RUNX1: variants seen among roughly 807,000 people sequenced by gnomAD.
The protein encoded by RUNX1 is RUNX family transcription factor 1, also known as runt-related transcription factor 1.
RUNX1 carries 19 observed loss-of-function variants against 42.8 expected under a neutral mutation model. That is an observed-to-expected ratio of 0.44 (90% CI 0.31 to 0.65). The LOEUF is 0.65. RUNX1 is among the 30% of genes least tolerant of loss of function. The pLI, the probability that RUNX1 is intolerant of heterozygous loss-of-function variation, is 0.07. For missense variants in RUNX1, 528 were observed against 672.0 expected (o/e 0.79, Z 2.37); for synonymous variants, 271 against 289.4 (o/e 0.94, Z 0.64).
At chr21:34,833,830 G>C (rs1158926420) in intron 7 of RUNX1, 2 of 217,018 alleles carry the variant, frequency 9.2e-6, no homozygotes, top group African/African-American at 4.5e-5. Flanking sequence ...CAGCGCTTTA[G>C]TAATTGCCAG....
chr21:34,801,496 T>G (rs1157752245), intron 7 of RUNX1, among the ~76,000 whole-genome samples: 1 of 152,242 alleles, frequency 6.6e-6, no homozygotes, highest in Admixed American at 6.5e-5. Context: ...TCTTTATGAT[T>G]AAAGTCCAAG....
chr21:34,974,104 TTC>T (rs2058782523), intron 2 of RUNX1, among the ~76,000 whole-genome samples: 1 of 152,216 alleles, frequency 6.6e-6, no homozygotes, highest in African/African-American at 2.4e-5. Context: ...AAAAATTTTC[TTC>T]TCTGTTTTCG....
At chr21:34,912,151 A>T (rs2058277310) in intron 2 of RUNX1, among the ~76,000 whole-genome samples, 1 of 150,890 alleles carries the variant, frequency 6.6e-6, no homozygotes, top group South Asian at 2.1e-4. Context: ...GACACTTCTT[A>T]AGAATGAATG....
In RUNX1 at chr21:35,033,065, T is replaced by C. The variant is rs559607915; in HGVS notation, c.58+15777A>G. Among the ~76,000 whole-genome samples, 3 of 152,262 alleles carry C rather than the reference T, an allele frequency of 2.0e-5. No homozygotes were observed. The South Asian group carries it at 6.2e-4, about 32-fold the overall frequency. On this transcript the variant is annotated intron_variant, in intron 2 of 8. Transcript: ENST00000675419. ...TCCATCTACCTGCCTATCCATCCATTCATTTCCATTCATCCTTCTATCTAT... is the reference window on the plus strand; with the variant it reads ...TCCATCTACCTGCCTATCCATCCATCCATTTCCATTCATCCTTCTATCTAT...
At chr21:34,839,518 C>T (rs1438221743) in intron 6 of RUNX1, among the ~76,000 whole-genome samples, 1 of 152,184 alleles carries the variant, frequency 6.6e-6, no homozygotes, top group Non-Finnish European at 1.5e-5. Flanking sequence ...ATCTCAGAGA[C>T]ACGAAAGCAC....
intron 2 of RUNX1, among the ~76,000 whole-genome samples, chr21:34,998,757 G>A (rs774153556): frequency 1.3e-5 from 2 of 152,136 alleles, no homozygotes; most frequent in Non-Finnish European, 2.9e-5. Context: ...TAGCCAGGAT[G>A]GTCTCAGTCT....
At chr21:34,998,306 C>T (rs1022403180) in intron 2 of RUNX1, among the ~76,000 whole-genome samples, 6 of 152,152 alleles carry the variant, frequency 3.9e-5, no homozygotes, top group Middle Eastern at 3.4e-3. Flanking sequence ...TTCCTGAGAA[C>T]GTCCCTGTGG....
intron 2 of RUNX1, among the ~76,000 whole-genome samples, chr21:35,022,800 C>G (rs1230881377): frequency 6.6e-6 from 1 of 151,792 alleles, no homozygotes; most frequent in Non-Finnish European, 1.5e-5. Context: ...GAAGCTGAGG[C>G]AGGAGAATTG....
intron 3 of RUNX1, chr21:34,888,589 GC>G (rs1444572585): frequency 9.4e-6 from 10 of 1,060,434 alleles, no homozygotes; most frequent in Middle Eastern, 4.2e-4. Context: ...GTCCCTAGGA[GC>G]CCCGGAAAGA....
At chr21:34,863,550 C>CTTTTTTTTTTTTTTT in intron 5 of RUNX1, among the ~76,000 whole-genome samples, 1 of 109,134 alleles carries the variant, frequency 9.2e-6, no homozygotes, top group Non-Finnish European at 1.8e-5. Context: ...TCATGCCCAT[C>CTTTTTTTTTTTTTTT]TTTTTTTTTT....
At chr21:34,850,898 C>A (rs1352703046) in intron 6 of RUNX1, among the ~76,000 whole-genome samples, 1 of 152,092 alleles carries the variant, frequency 6.6e-6, no homozygotes, top group Non-Finnish European at 1.5e-5. Context: ...AGAAGGATTT[C>A]AAGACTAAAT....
intron 2 of RUNX1, among the ~76,000 whole-genome samples, chr21:35,035,305 G>A (rs895614066): frequency 6.6e-5 from 10 of 152,106 alleles, no homozygotes; most frequent in East Asian, 1.9e-4. Flanking sequence ...GTGACTCAGC[G>A]GGAAAGGACA....
At chr21:34,882,067 A>G (rs1373299580) in intron 4 of RUNX1, among the ~76,000 whole-genome samples, 1 of 152,192 alleles carries the variant, frequency 6.6e-6, no homozygotes, top group Admixed American at 6.5e-5. Flanking sequence ...ATCTAGTGTT[A>G]TCACTCCTTC....
intron 2 of RUNX1, among the ~76,000 whole-genome samples, chr21:34,955,887 T>C (rs531364753): frequency 6.6e-6 from 1 of 152,294 alleles, no homozygotes; most frequent in East Asian, 1.9e-4. Context: ...TTTTCCGGAA[T>C]AGGCAAGAAG....
intron 2 of RUNX1, among the ~76,000 whole-genome samples, chr21:35,026,237 CG>C (rs1268665678): frequency 6.6e-6 from 1 of 152,192 alleles, no homozygotes; most frequent in East Asian, 1.9e-4. Context: ...TTCTTTACCT[CG>C]GGGGGTCAAA....
intron 3 of RUNX1, among the ~76,000 whole-genome samples, chr21:34,891,859 A>ACATTT (rs1373448806): frequency 1.3e-5 from 2 of 152,204 alleles, no homozygotes; most frequent in Non-Finnish European, 2.9e-5. Context: ...TTTAAAAAGT[A>ACATTT]CTGCTTGGTT....
chr21:34,912,664 T>A (rs1368881060), intron 2 of RUNX1, among the ~76,000 whole-genome samples: 4 of 152,190 alleles, frequency 2.6e-5, no homozygotes, highest in Non-Finnish European at 5.9e-5. Context: ...AGAAGACTGT[T>A]CCCATTGCCT....
intron 2 of RUNX1, among the ~76,000 whole-genome samples, chr21:34,948,820 A>G (rs2058585084): frequency 6.6e-6 from 1 of 151,992 alleles, no homozygotes; most frequent in African/African-American, 2.4e-5. Flanking sequence ...GTCTCAGCTC[A>G]TTGCAACCTC....
chr21:34,818,857 G>A (rs889967964), intron 7 of RUNX1, among the ~76,000 whole-genome samples: 7 of 152,234 alleles, frequency 4.6e-5, no homozygotes, highest in African/African-American at 1.7e-4. Flanking sequence ...GAGGCACACG[G>A]GTGTTTGTCC....
Sources: gnomAD v4.1 joint callset for allele counts (sites outside exome capture counted in the v4.1 genomes callset) on GRCh38, gnomAD v4.1.1 for gene constraint, MANE v1.5 for transcripts, NCBI Gene and HGNC (gene_info 2026-07-23, HGNC 2026-07-21) for gene names.